FBXO42: variants seen among roughly 807,000 people sequenced by gnomAD.
FBXO42 encodes F-box only protein 42.
In FBXO42, 12 loss-of-function variants were observed where a neutral mutation model predicts 71.7. That is an observed-to-expected ratio of 0.17 (90% CI 0.11 to 0.27). FBXO42 has a LOEUF of 0.27. FBXO42 is among the 10% of genes least tolerant of loss of function. The probability of loss-of-function intolerance (pLI) is 1.00; values close to 1 mark genes in which losing one functional copy is unlikely to be tolerated. For synonymous variants in FBXO42, 325 were observed against 327.5 expected, an observed-to-expected ratio of 0.99 and a Z score of 0.08; for missense variants, 707 against 911.9, an observed-to-expected ratio of 0.78 and a Z score of 2.89.
chr1:16,263,870 G>C (rs1569824507), intron 4 of FBXO42, among the ~76,000 whole-genome samples: 2 of 147,836 alleles, frequency 1.4e-5, no homozygotes, highest in South Asian at 4.3e-4. Flanking sequence ...GAGTGCGATG[G>C]CACAATCTTG....
chr1:16,266,751 T>C (rs943751252), intron 4 of FBXO42, among the ~76,000 whole-genome samples: 1 of 152,210 alleles, frequency 6.6e-6, no homozygotes, highest in African/African-American at 2.4e-5. Context: ...GCTGTCATCA[T>C]GGTATTGTGT....
intron 4 of FBXO42, among the ~76,000 whole-genome samples, chr1:16,258,323 A>AG (rs2081668650): frequency 6.6e-6 from 1 of 152,016 alleles, no homozygotes; most frequent in Non-Finnish European, 1.5e-5. Context: ...TGAGCATCTA[A>AG]GAACACCATG....
intron 4 of FBXO42, among the ~76,000 whole-genome samples, chr1:16,283,622 G>A (rs1007580376): frequency 6.7e-6 from 1 of 148,238 alleles, no homozygotes; most frequent in Admixed American, 6.9e-5. Context: ...TCAGCCTCCC[G>A]AGTAGCTGGG....
intron 4 of FBXO42, among the ~76,000 whole-genome samples, chr1:16,261,742 C>T (rs957983329): frequency 7.9e-5 from 12 of 151,796 alleles, no homozygotes; most frequent in African/African-American, 2.9e-4. Flanking sequence ...CTCACTCTGT[C>T]GCTCAGGCTG....
At chr1:16,254,119 C>G (rs553703353) in intron 6 of FBXO42, among the ~76,000 whole-genome samples, 1 of 152,204 alleles carries the variant, frequency 6.6e-6, no homozygotes, top group African/African-American at 2.4e-5. Context: ...CCCCTACTTT[C>G]CCTAGAAGTC....
In FBXO42 at chr1:16,304,695, G is replaced by A. The variant is rs181440135; in HGVS notation, c.367+1108C>T. 1.6e-4 allele frequency among the ~76,000 whole-genome samples: 24 copies of A among 152,162 alleles called. No homozygotes were observed. In the East Asian group the frequency reaches 4.5e-3, roughly 28 times the overall value. On this transcript the variant is annotated intron_variant, in intron 3 of 9. Coordinates refer to ENST00000375592, the MANE Select transcript of FBXO42 (RefSeq NM_018994.3). Reference sequence around the variant, plus strand: ...CCAATGAAAAAGCAGAGGGCTGGGCGCGGTGGCTCACACCTGTAATCCCAG... The same window carrying A: ...CCAATGAAAAAGCAGAGGGCTGGGCACGGTGGCTCACACCTGTAATCCCAG...
intron 6 of FBXO42, among the ~76,000 whole-genome samples, chr1:16,254,152 C>G (rs1037593035): frequency 2.6e-5 from 4 of 152,206 alleles, no homozygotes; most frequent in African/African-American, 9.7e-5. Context: ...TCCCTCTGCT[C>G]TTTCCACGAG....
rs778629301 is a variant in FBXO42 at position 16,294,960 on chromosome 1, G to T, written c.368-43C>A. 2.6e-6 allele frequency: 4 copies of T among 1,543,126 alleles called. No homozygotes were observed. The Middle Eastern group carries it at 5.3e-4, about 205-fold the overall frequency. On this transcript the variant is annotated intron_variant, in intron 3 of 9. Coordinates refer to ENST00000375592, the MANE Select transcript of FBXO42 (RefSeq NM_018994.3). ...AAATAACTGCTGTGAAAATTCTGAGGCCCTTCCAACATTTTAACCATAACA... is the reference window on the plus strand; with the variant it reads ...AAATAACTGCTGTGAAAATTCTGAGTCCCTTCCAACATTTTAACCATAACA...
chr1:16,265,037 T>C (rs761257671), intron 4 of FBXO42, among the ~76,000 whole-genome samples: 1 of 152,232 alleles, frequency 6.6e-6, no homozygotes, highest in Non-Finnish European at 1.5e-5. Flanking sequence ...GATAACAAGA[T>C]AAAACAATCA....
At chr1:16,304,980 C>T (rs1481817476) in intron 3 of FBXO42, among the ~76,000 whole-genome samples, 1 of 152,066 alleles carries the variant, frequency 6.6e-6, no homozygotes, top group South Asian at 2.1e-4. Context: ...AAAGAAAAAG[C>T]AGAATATAAA....
At chr1:16,263,258 C>G (rs112229950) in intron 4 of FBXO42, among the ~76,000 whole-genome samples, 4,621 of 150,918 alleles carry the variant, frequency 0.031, 213 homozygotes, top group African/African-American at 0.11. Context: ...GTCAGGAGAT[C>G]GAGACCATCC....
chr1:16,315,578 G>A, intron 1 of FBXO42, 143 bp from the exon 2 acceptor site: 2 of 730,124 alleles, frequency 2.7e-6, no homozygotes, highest in South Asian at 2.0e-5. Context: ...TACCACTTGT[G>A]AGCCACCTTA....
intron 4 of FBXO42, among the ~76,000 whole-genome samples, chr1:16,286,076 T>G (rs940603245): frequency 2.6e-5 from 4 of 151,830 alleles, no homozygotes; most frequent in African/African-American, 9.7e-5. Context: ...TTTGAGGAGA[T>G]GGCCAGGCTG....
intron 4 of FBXO42, among the ~76,000 whole-genome samples, chr1:16,287,031 A>G (rs1050577834): frequency 1.3e-5 from 2 of 152,086 alleles, no homozygotes; most frequent in Non-Finnish European, 2.9e-5. Flanking sequence ...CTTCTCAGAA[A>G]CCTACACAAC....
At chr1:16,263,771 C>CA (rs1391293263) in intron 4 of FBXO42, among the ~76,000 whole-genome samples, 4 of 146,156 alleles carry the variant, frequency 2.7e-5, no homozygotes, top group Admixed American at 1.4e-4. Context: ...CAAAACAAAA[C>CA]AAAACAAAAA....
chr1:16,263,807 CT>C (rs1193282987), intron 4 of FBXO42, among the ~76,000 whole-genome samples: 3,159 of 126,602 alleles, frequency 0.025, 63 homozygotes, highest in African/African-American at 0.065. Context: ...CATACATTAA[CT>C]TTTTTTTTTT....
chr1:16,342,831 T>C (rs1407499511), intron 1 of FBXO42, among the ~76,000 whole-genome samples: 4 of 152,022 alleles, frequency 2.6e-5, no homozygotes, highest in African/African-American at 9.7e-5. Flanking sequence ...GTTCTCCTGG[T>C]AGTGAGTGAG....
At position 16,352,304 on chromosome 1, in the gene FBXO42, A is replaced by G. The variant is rs989121507; in HGVS notation, c.-67T>C. On this transcript the variant is annotated 5_prime_UTR_variant, in exon 1 of 10. Transcript: ENST00000375592. ...CGGGTTCGCTCCGCTGGCGACGGTA[A>G]TGAGGGAGCCAGGGACAGGGCCAGA... is the stretch of plus-strand genomic sequence containing the variant. 6.8e-5 allele frequency: 27 copies of G among 397,050 alleles called. No homozygotes were observed. In the East Asian group the frequency reaches 9.6e-4, roughly 14 times the overall value. The allele number at this position is 397,050 out of a possible 1,614,324, so 24.6% of individuals were successfully genotyped here.
At chr1:16,263,403 A>G (rs2100454068) in intron 4 of FBXO42, among the ~76,000 whole-genome samples, 1 of 152,154 alleles carries the variant, frequency 6.6e-6, no homozygotes, top group Admixed American at 6.5e-5. Context: ...AGATCACGTC[A>G]CTGCACTCCA....
Sources: gnomAD v4.1 joint callset for allele counts (sites outside exome capture counted in the v4.1 genomes callset) on GRCh38, gnomAD v4.1.1 for gene constraint, MANE v1.5 for transcripts, NCBI Gene and HGNC (gene_info 2026-07-23, HGNC 2026-07-21) for gene names.